APAF1: variants seen among roughly 807,000 people sequenced by gnomAD.
APAF1 encodes apoptotic protease-activating factor 1.
Under a neutral mutation model 152.4 loss-of-function variants are expected in APAF1, and 91 were observed. The ratio of observed to expected loss-of-function variants is 0.60; its 90% CI spans 0.50 to 0.71. APAF1 has a LOEUF of 0.71. Among genes scored for constraint, APAF1 ranks in the 30% least tolerant of loss-of-function variants. The pLI is 0.00. For missense variants in APAF1, 1,283 were observed against 1,472.0 expected (o/e 0.87, Z 2.10); for synonymous variants, 484 against 494.1 (o/e 0.98, Z 0.27).
chr12:98,673,457 CA>C (rs1007721760), intron 12 of APAF1, among the ~76,000 whole-genome samples: 24 of 137,860 alleles, frequency 1.7e-4, no homozygotes, highest in South Asian at 2.4e-4. Context: ...AAAAAAAAAA[CA>C]AAAAAAAAAC....
In APAF1 at chr12:98,649,630, T is replaced by C; in HGVS notation, c.472T>C (p.Cys158Arg). 6.2e-7 allele frequency: 1 copy of C among 1,614,178 alleles called. No individual in the cohort carries two copies. Among genetic ancestry groups the C allele is most frequent in the Non-Finnish European group, 8.5e-7 (1 of 1,180,026 alleles). ...GWVTIHGMAG[C>R]GKSVLAAEAV... ...GGTCACCATACATGGAATGGCAGGCTGTGGGAAGTCTGTATTAGCTGCAGA... is the reference window on the plus strand; with the variant it reads ...GGTCACCATACATGGAATGGCAGGCCGTGGGAAGTCTGTATTAGCTGCAGA... The change falls in exon 4 of 27, where the codon TGT (cysteine) becomes CGT (arginine). Residue 158 changes from cysteine to arginine, a missense_variant. By Grantham distance (180) the Cys-to-Arg change is radical. Coordinates refer to ENST00000551964, the MANE Select transcript of APAF1 (RefSeq NM_181861.2).
At chr12:98,679,281 G>A (rs1276147506) in intron 13 of APAF1, among the ~76,000 whole-genome samples, 1 of 152,170 alleles carries the variant, frequency 6.6e-6, no homozygotes, top group Non-Finnish European at 1.5e-5. Flanking sequence ...GATGACAGGA[G>A]GACCAGCTGC....
intron 10 of APAF1, 24 bp downstream of exon 10, chr12:98,667,668 C>G (rs959412921): frequency 3.7e-6 from 6 of 1,603,646 alleles, no homozygotes; most frequent in Non-Finnish European, 5.1e-6. Flanking sequence ...TTTAAAAATT[C>G]TTTTATCTGA....
At position 98,734,702 on chromosome 12, in the gene APAF1, C is replaced by T. The variant is rs1209791354; in HGVS notation, c.*2136C>T. The T allele has an allele frequency of 6.5e-6, 1 of 152,906 alleles. No individual in the cohort carries two copies. Among genetic ancestry groups the T allele is most frequent in the African/African-American group, 2.4e-5 (1 of 41,448 alleles). The allele number at this position is 152,906 out of a possible 1,614,324, so 9.5% of individuals were successfully genotyped here. A position where few individuals can be genotyped will look rare whatever the true frequency, so the allele number is the denominator to read the frequency against. On this transcript the variant is annotated 3_prime_UTR_variant, in exon 27 of 27. Coordinates refer to ENST00000551964, the MANE Select transcript of APAF1 (RefSeq NM_181861.2). ...TGTTTTTAAATGGTGGGTCAAGGAG[C>T]TAGTTTACAGGCTTACTGTGATTTA... is the stretch of plus-strand genomic sequence containing the variant.
intron 24 of APAF1, among the ~76,000 whole-genome samples, chr12:98,724,993 C>T (rs2097748356): frequency 6.6e-6 from 1 of 152,182 alleles, no homozygotes; most frequent in Non-Finnish European, 1.5e-5. Context: ...TCTCTATAAT[C>T]TCATTTAATC....
chr12:98,727,762 G>A (rs934027110), intron 26 of APAF1, among the ~76,000 whole-genome samples: 4 of 151,772 alleles, frequency 2.6e-5, no homozygotes, highest in Admixed American at 1.3e-4. Context: ...CCAACATGGC[G>A]AAACCCTGTC....
At chr12:98,689,486 G>GTGTA (rs2097701815) in intron 16 of APAF1, among the ~76,000 whole-genome samples, 1 of 146,908 alleles carries the variant, frequency 6.8e-6, no homozygotes, top group Non-Finnish European at 1.5e-5. Flanking sequence ...GTGTGTGTGT[G>GTGTA]TGTGTGTGTG....
chr12:98,654,517 C>T (rs1456780591), intron 4 of APAF1, among the ~76,000 whole-genome samples: 1 of 152,072 alleles, frequency 6.6e-6, no homozygotes, highest in Non-Finnish European at 1.5e-5. Flanking sequence ...TGACAGTCCC[C>T]CTGCCTCAGC....
chr12:98,671,908 G>T (rs2097680687), intron 12 of APAF1, among the ~76,000 whole-genome samples, 189 bp downstream of exon 12: 1 of 152,198 alleles, frequency 6.6e-6, no homozygotes, highest in Non-Finnish European at 1.5e-5. Context: ...TATTTTCAAA[G>T]AATCCATATA....
Position 98,688,135 on chromosome 12 carries a change from T to C in APAF1, c.2304+1262T>C, listed in dbSNP as rs78870008. On this transcript the variant is annotated intron_variant, in intron 16 of 26. Transcript: ENST00000551964. The stretch of plus-strand genomic sequence containing the variant: ...AATGCAAGAGTTAGGGAAAAAAGCT[T>C]ATTCAGCCTTCTGAAATTTATAGGC... Among the ~76,000 whole-genome samples the C allele has an allele frequency of 4.2e-3, 640 of 152,332 alleles. 2 individuals are homozygous for C. The highest frequency in any genetic ancestry group is 0.014 in the African/African-American group (591 of 41,568).
At chr12:98,677,948 A>G (rs573787578) in intron 13 of APAF1, among the ~76,000 whole-genome samples, 1 of 152,020 alleles carries the variant, frequency 6.6e-6, no homozygotes, top group Non-Finnish European at 1.5e-5. Flanking sequence ...GTAAATAGGA[A>G]CTGGACTAGA....
chr12:98,730,981 A>G (rs1034050998), intron 26 of APAF1, among the ~76,000 whole-genome samples: 1 of 152,248 alleles, frequency 6.6e-6, no homozygotes, highest in Non-Finnish European at 1.5e-5. Flanking sequence ...GGGAAAGCTG[A>G]TCTGAAGTAT....
intron 13 of APAF1, among the ~76,000 whole-genome samples, chr12:98,680,046 G>T (rs569666509): frequency 3.3e-5 from 5 of 152,330 alleles, no homozygotes; most frequent in Admixed American, 2.0e-4. Flanking sequence ...ACACCCCAAA[G>T]ATCCTGTAAC....
chr12:98,676,213 T>C lies in APAF1; in HGVS notation c.1794-1212T>C, dbSNP rs531940943. 4.6e-5 allele frequency among the ~76,000 whole-genome samples: 7 copies of C among 152,060 alleles called. No homozygotes were observed. In the East Asian group the frequency reaches 1.3e-3, roughly 29 times the overall value. On this transcript the variant is annotated intron_variant, in intron 12 of 26. Coordinates refer to ENST00000551964, the MANE Select transcript of APAF1 (RefSeq NM_181861.2). ...ATACATTACATTCCTTTACACCTTA[T>C]TATTTATTTATTTATTTAGAAACAG...
intron 4 of APAF1, among the ~76,000 whole-genome samples, chr12:98,650,880 A>G (rs1404678890): frequency 6.6e-6 from 1 of 152,086 alleles, no homozygotes; most frequent in Non-Finnish European, 1.5e-5. Flanking sequence ...TTTTCCTTTC[A>G]ATATTATGAA....
intron 9 of APAF1, among the ~76,000 whole-genome samples, chr12:98,667,221 G>A (rs1178795774): frequency 4.0e-5 from 6 of 151,526 alleles, no homozygotes; most frequent in Non-Finnish European, 7.4e-5. Flanking sequence ...GCTAATTCCC[G>A]AGTAGTTGGG....
chr12:98,709,332 G>C (rs1389136881), intron 20 of APAF1, among the ~76,000 whole-genome samples: 1 of 152,176 alleles, frequency 6.6e-6, no homozygotes, highest in Admixed American at 6.5e-5. Flanking sequence ...ACCCAACAAA[G>C]AGTGGGACAC....
intron 20 of APAF1, among the ~76,000 whole-genome samples, chr12:98,711,063 C>T (rs560595532): frequency 6.6e-6 from 1 of 152,170 alleles, no homozygotes. Context: ...ACAAGTTTTA[C>T]TATTGTCCTC....
chr12:98,674,872 G>A (rs1425006839), intron 12 of APAF1, among the ~76,000 whole-genome samples: 1 of 152,180 alleles, frequency 6.6e-6, no homozygotes, highest in Non-Finnish European at 1.5e-5. Context: ...ATTAAGAATA[G>A]CATTTAGCAT....
Sources: allele counts gnomAD v4.1 joint callset (sites outside exome capture counted in the v4.1 genomes callset), GRCh38; gene constraint gnomAD v4.1.1; transcripts MANE v1.5; gene names NCBI Gene and HGNC (gene_info 2026-07-23, HGNC 2026-07-21).